Variants in C12orf60 observed in about 807,000 individuals in gnomAD.
The protein encoded by C12orf60 is uncharacterized protein C12orf60.
For synonymous variants in C12orf60, 102 were observed against 94.6 expected, an observed-to-expected ratio of 1.08 and a Z score of -0.45; for missense variants, 284 against 283.2, an observed-to-expected ratio of 1.00 and a Z score of -0.02.
intron 1 of C12orf60, among the ~76,000 whole-genome samples, chr12:14,814,392 T>C (rs972840062): frequency 6.6e-6 from 1 of 152,216 alleles, no homozygotes; most frequent in African/African-American, 2.4e-5. Context: ...GTAAAACTTA[T>C]TTTTAAATTT....
rs766739186 is a variant in C12orf60 at position 14,823,361 on chromosome 12, C to T, written c.426C>T (p.His142=). 14 of 1,614,088 alleles carry T rather than the reference C, an allele frequency of 8.7e-6. No homozygotes were observed. In the South Asian group the frequency reaches 1.3e-4, roughly 15 times the overall value. ...GGAGTCTGGAATCTTCTCTTTCACA[C>T]TTGATGAAATTCCCCATCATGAATC... ...ILGSLESSLS[H]LMKFPIMNLQ... is the part of the protein sequence containing the mutation. Residue 142 remains histidine (H), a synonymous_variant, in exon 2 of 2, where the codon CAC becomes CAT. Coordinates refer to ENST00000330828, the MANE Select transcript of C12orf60 (RefSeq NM_175874.4).
chr12:14,820,136 T>C (rs1950283011), intron 1 of C12orf60, among the ~76,000 whole-genome samples: 1 of 152,062 alleles, frequency 6.6e-6, no homozygotes. Flanking sequence ...ATATTTAGAC[T>C]GTTGAATTTA....
chr12:14,808,033 G>C (rs1440445764), intron 1 of C12orf60, among the ~76,000 whole-genome samples: 1 of 152,156 alleles, frequency 6.6e-6, no homozygotes, highest in African/African-American at 2.4e-5. Context: ...GGGTGTGGTG[G>C]TGCATGCCTG....
intron 1 of C12orf60, among the ~76,000 whole-genome samples, chr12:14,817,722 G>A (rs1454438113): frequency 6.6e-6 from 1 of 152,134 alleles, no homozygotes; most frequent in Non-Finnish European, 1.5e-5. Context: ...TCTTTATGCA[G>A]TCTATCATTG....
At chr12:14,810,229 C>G (rs1364684815) in intron 1 of C12orf60, among the ~76,000 whole-genome samples, 2 of 152,112 alleles carry the variant, frequency 1.3e-5, no homozygotes, top group Non-Finnish European at 2.9e-5. Context: ...ACCATACCTG[C>G]TTAGGTATGT....
At chr12:14,806,608 G>A (rs762179150) in intron 1 of C12orf60, 1 of 1,614,054 alleles carries the variant, frequency 6.2e-7, no homozygotes, top group Non-Finnish European at 8.5e-7. Context: ...CAATCAAGAA[G>A]CTGCTGGTGA....
chr12:14,811,451 T>A (rs1950135289), intron 1 of C12orf60, among the ~76,000 whole-genome samples: 1 of 152,200 alleles, frequency 6.6e-6, no homozygotes, highest in Non-Finnish European at 1.5e-5. Flanking sequence ...TTGGAAATTT[T>A]TGACTTGTTA....
chr12:14,823,327 A>G lies in C12orf60; in HGVS notation c.392A>G (p.Asn131Ser). 6.2e-7 allele frequency: 1 copy of G among 1,614,162 alleles called. No individual in the cohort carries two copies. Among genetic ancestry groups the G allele is most frequent in the Non-Finnish European group, 8.5e-7 (1 of 1,180,024 alleles). Residue 131 changes from asparagine (N) to serine (S), a missense_variant, in exon 2 of 2, where the codon AAC (asparagine) becomes AGC (serine). By Grantham distance (46) the Asn-to-Ser change is conservative. Coordinates refer to ENST00000330828, the MANE Select transcript of C12orf60 (RefSeq NM_175874.4). ...PVIISVLNSS[N>S]ILGSLESSLS... ...ATCATCTCTGTGCTAAACAGCAGTA[A>G]CATCCTTGGGAGTCTGGAATCTTCT... is the stretch of plus-strand genomic sequence containing the variant.
intron 1 of C12orf60, among the ~76,000 whole-genome samples, chr12:14,819,130 C>T (rs938894505): frequency 3.9e-5 from 6 of 152,112 alleles, no homozygotes; most frequent in African/African-American, 1.4e-4. Context: ...TTTGAGTTGA[C>T]ATCTTTGCTA....
rs201011813 is a variant in C12orf60, at chr12:14,806,656, G to A, written c.-25+2905G>A. On this transcript the variant is annotated intron_variant, in intron 1 of 1. Coordinates refer to ENST00000330828, the MANE Select transcript of C12orf60 (RefSeq NM_175874.4). ...TCTTCCCGCCTTTTTGGGTTCTCTG[G>A]GTAAAGGAAGTCACTTTGGGCCATA... 121 of 1,597,738 alleles carry A rather than the reference G, an allele frequency of 7.6e-5. No individual in the cohort carries two copies. Among genetic ancestry groups the A allele is most frequent in the Non-Finnish European group, 9.5e-5 (112 of 1,173,842 alleles).
At chr12:14,816,743 T>C (rs1193932562) in intron 1 of C12orf60, among the ~76,000 whole-genome samples, 1 of 139,536 alleles carries the variant, frequency 7.2e-6, no homozygotes, top group Non-Finnish European at 1.6e-5. Flanking sequence ...CTTTATATTT[T>C]CTCTTTTTTT....
rs576597535 is a variant in C12orf60 at position 14,805,875 on chromosome 12, C to G, written c.-25+2124C>G. On this transcript the variant is annotated intron_variant, in intron 1 of 1. Transcript: ENST00000330828. ...TCTAGTCTTGGCATCTCCAGTTTCC[C>G]TCTCCAAATTGTTTATCTTATTTAA... 5 of 946,758 alleles carry G rather than the reference C, an allele frequency of 5.3e-6. No homozygotes were observed. The East Asian group carries it at 1.0e-4, about 19-fold the overall frequency. The allele number at this position is 946,758 out of a possible 1,614,324, so 58.6% of individuals were successfully genotyped here.
chr12:14,806,750 CTG>C (rs1248868486), intron 1 of C12orf60: 9 of 1,466,176 alleles, frequency 6.1e-6, no homozygotes, highest in Non-Finnish European at 7.4e-6. Flanking sequence ...TGTCTGCTAA[CTG>C]TGTAGAAGGG....
chr12:14,814,467 G>A (rs943971941), intron 1 of C12orf60, among the ~76,000 whole-genome samples: 2 of 152,140 alleles, frequency 1.3e-5, no homozygotes, highest in African/African-American at 4.8e-5. Context: ...CAATTTAGTA[G>A]AGAAGATGGC....
At chr12:14,806,834 C>A in intron 1 of C12orf60, 1 of 815,090 alleles carries the variant, frequency 1.2e-6, no homozygotes, top group Non-Finnish European at 1.9e-6. Context: ...TCAGAACACT[C>A]AACAAGTTTT....
At chr12:14,806,218 T>C (rs772254777) in intron 1 of C12orf60, 1 of 1,614,158 alleles carries the variant, frequency 6.2e-7, no homozygotes, top group Non-Finnish European at 8.5e-7. Context: ...GAAGCACCAA[T>C]TTGAGCTAAC....
intron 1 of C12orf60, among the ~76,000 whole-genome samples, chr12:14,808,996 C>T (rs755046210): frequency 1.3e-5 from 2 of 152,102 alleles, no homozygotes; most frequent in African/African-American, 2.4e-5. Context: ...TTCCATTAAA[C>T]GTTTGTCTTT....
chr12:14,806,303 A>G, intron 1 of C12orf60: 1 of 1,614,236 alleles, frequency 6.2e-7, no homozygotes, highest in Non-Finnish European at 8.5e-7. Context: ...CACTGGCTGC[A>G]GATGTAGCTT....
chr12:14,809,610 C>T (rs1296224331), intron 1 of C12orf60, among the ~76,000 whole-genome samples: 3 of 151,748 alleles, frequency 2.0e-5, no homozygotes, highest in East Asian at 3.9e-4. Context: ...AAATTAATAA[C>T]AAAATTGTTA....
Sources: allele counts gnomAD v4.1 joint callset (sites outside exome capture counted in the v4.1 genomes callset), GRCh38; gene constraint gnomAD v4.1.1; transcripts MANE v1.5; gene names NCBI Gene and HGNC (gene_info 2026-07-23, HGNC 2026-07-21).